The following ENPEP variants were observed in gnomAD, a reference collection of about 807,000 sequenced individuals.
ENPEP encodes AP-A.
Under a neutral mutation model 114.5 loss-of-function variants are expected in ENPEP, and 103 were observed. The observed-to-expected ratio is 0.90, with a 90% confidence interval of 0.77 to 1.06. The LOEUF is 1.06. Among genes scored for constraint, ENPEP ranks in the 50% least tolerant of loss-of-function variants. The pLI is 0.00. For synonymous variants in ENPEP, 420 were observed against 422.0 expected (o/e 1.00, Z 0.06); for missense variants, 1,196 against 1,161.3 (o/e 1.03, Z -0.43).
intron 18 of ENPEP, among the ~76,000 whole-genome samples, chr4:110,557,815 G>A (rs1727531295): frequency 6.6e-6 from 1 of 152,120 alleles, no homozygotes; most frequent in Admixed American, 6.5e-5. Flanking sequence ...AGTGGGCACT[G>A]GATCTGGTAC....
At chr4:110,538,866 GAGAA>G (rs1258428713) in intron 11 of ENPEP, among the ~76,000 whole-genome samples, 6 of 152,218 alleles carry the variant, frequency 3.9e-5, no homozygotes, top group South Asian at 2.1e-4. Context: ...GGGAAGGAGA[GAGAA>G]AGAGAGAGAG....
intron 1 of ENPEP, among the ~76,000 whole-genome samples, chr4:110,486,577 G>T (rs73842131): frequency 6.6e-6 from 1 of 152,048 alleles, no homozygotes; most frequent in Non-Finnish European, 1.5e-5. Flanking sequence ...CCAAGAGATT[G>T]TGACCACTCT....
intron 1 of ENPEP, among the ~76,000 whole-genome samples, chr4:110,482,402 T>A (rs1350174057): frequency 6.6e-6 from 1 of 152,162 alleles, no homozygotes; most frequent in Non-Finnish European, 1.5e-5. Context: ...GGGAAGGTCG[T>A]AAGTTCAGTG....
chr4:110,487,345 A>G (rs1376650009), intron 1 of ENPEP, among the ~76,000 whole-genome samples: 1 of 152,224 alleles, frequency 6.6e-6, no homozygotes, highest in East Asian at 1.9e-4. Context: ...TCCCAAAATT[A>G]GTTCGGCCTA....
At chr4:110,531,724 C>T (rs1726412693) in intron 11 of ENPEP, among the ~76,000 whole-genome samples, 1 of 151,548 alleles carries the variant, frequency 6.6e-6, no homozygotes, top group Non-Finnish European at 1.5e-5. Flanking sequence ...TTATTTTTTC[C>T]TTACTTGAAA....
Position 110,532,390 on chromosome 4 carries a change from A to G in ENPEP, c.1807+1113A>G, listed in dbSNP as rs911797102. On this transcript the variant is annotated intron_variant, in intron 11 of 19. Coordinates refer to ENST00000265162, the MANE Select transcript of ENPEP (RefSeq NM_001977.4). Reference sequence around the variant, plus strand: ...AGTATTTTGTGACTTTTCAATTAGCATAACGATTTCAAGGCTCATCCATGA... The same window carrying G: ...AGTATTTTGTGACTTTTCAATTAGCGTAACGATTTCAAGGCTCATCCATGA... Among the ~76,000 whole-genome samples the G allele has an allele frequency of 5.9e-5, 9 of 152,316 alleles. No individual in the cohort carries two copies. In the South Asian group the frequency reaches 1.4e-3, roughly 25 times the overall value.
intron 1 of ENPEP, among the ~76,000 whole-genome samples, chr4:110,487,014 G>T (rs533408419): frequency 6.6e-6 from 1 of 152,132 alleles, no homozygotes; most frequent in African/African-American, 2.4e-5. Context: ...GCTGTTTTCT[G>T]TTCCTGGGTG....
intron 4 of ENPEP, among the ~76,000 whole-genome samples, chr4:110,508,849 A>G (rs1322238727): frequency 6.6e-6 from 1 of 152,210 alleles, no homozygotes. Flanking sequence ...CCAGAAAGAA[A>G]GGGCCTTCTC....
At position 110,541,451 on chromosome 4, in the gene ENPEP, C is replaced by A. The variant is rs1444403597; in HGVS notation, c.1808-1300C>A. The stretch of plus-strand genomic sequence containing the variant: ...TTTATTGATTTTACCTGTGATAAGT[C>A]TCTTGAATGCATCAACTTCTTTCTA... On this transcript the variant is annotated intron_variant, in intron 11 of 19. Transcript: ENST00000265162. Among the ~76,000 whole-genome samples, 13 of 152,188 alleles carry A rather than the reference C, an allele frequency of 8.5e-5. No homozygotes were observed. The South Asian group carries it at 1.5e-3, about 17-fold the overall frequency.
chr4:110,477,240 C>A (rs1231846216), intron 1 of ENPEP, among the ~76,000 whole-genome samples, 182 bp downstream of exon 1: 2 of 152,138 alleles, frequency 1.3e-5, no homozygotes, highest in Non-Finnish European at 1.5e-5. Context: ...TTTCCAAACC[C>A]TGTCATAAAA....
chr4:110,558,585 G>A (rs977696831), intron 18 of ENPEP, among the ~76,000 whole-genome samples: 8 of 152,082 alleles, frequency 5.3e-5, no homozygotes, highest in Admixed American at 6.5e-5. Context: ...GTGAGCCACC[G>A]CAGCCAGCCT....
Position 110,549,559 on chromosome 4 carries a change from T to C in ENPEP, c.2257T>C (p.Cys753Arg). 1 of 1,613,626 alleles carries C rather than the reference T, an allele frequency of 6.2e-7. No individual in the cohort carries two copies. The highest frequency in any genetic ancestry group is 1.1e-5 in the South Asian group (1 of 91,078). Residue 753 changes from cysteine to arginine, a missense_variant, in exon 16 of 20, where the codon TGC becomes CGC. Transcript: ENST00000265162. ...LLRSSVLGFA[C>R]KMGDREALNN... Reference sequence around the variant, plus strand: ...CCGTTCCTCCGTGTTAGGGTTTGCGTGCAAGATGGGAGACAGAGAAGCCTT... The same window carrying C: ...CCGTTCCTCCGTGTTAGGGTTTGCGCGCAAGATGGGAGACAGAGAAGCCTT...
At chr4:110,493,910 A>T (rs1210084937) in intron 3 of ENPEP, among the ~76,000 whole-genome samples, 1 of 152,250 alleles carries the variant, frequency 6.6e-6, no homozygotes, top group African/African-American at 2.4e-5. Context: ...ATAACCAGGT[A>T]TATGAGGAAA....
At chr4:110,500,252 C>T (rs1725101456) in intron 3 of ENPEP, 2 of 152,116 alleles carry the variant, frequency 1.3e-5, no homozygotes, top group South Asian at 4.1e-4. Context: ...ACATTAAGAA[C>T]TCTAAGAGCC....
Position 110,549,731 on chromosome 4 carries a change from C to G in ENPEP, c.2346C>G (p.Leu782=). 1 of 1,612,860 alleles carries G rather than the reference C, an allele frequency of 6.2e-7. No individual in the cohort carries two copies. Among genetic ancestry groups the G allele is most frequent in the South Asian group, 1.1e-5 (1 of 91,016 alleles). The change falls in exon 17 of 20, where the codon CTC becomes CTG. Residue 782 remains leucine, a synonymous_variant. Coordinates refer to ENST00000265162, the MANE Select transcript of ENPEP (RefSeq NM_001977.4). The stretch of plus-strand genomic sequence containing the variant: ...CTTCTTCTAGCCTTCCCGTAAATCT[C>G]AGGCTTCTGGTGTATCGGTATGGGA... ...LNGTVSLPVN[L]RLLVYRYGMQ...
chr4:110,565,067 C>G lies in ENPEP; in HGVS notation c.*3509C>G, dbSNP rs2110409276. The G allele has an allele frequency of 6.6e-6, 1 of 152,280 alleles. No individual in the cohort carries two copies. Among genetic ancestry groups the G allele is most frequent in the East Asian group, 1.9e-4 (1 of 5,184 alleles). 9.4% of individuals were successfully genotyped at this position (152,280 alleles called of 1,614,324 possible). A position where few individuals can be genotyped will look rare whatever the true frequency, so the allele number is the denominator to read the frequency against. ...ACACCAAACTAATATACTCCTCTAC[C>G]ATAGTAATTTATTTCTTGTTCTTTC... On this transcript the variant is annotated 3_prime_UTR_variant, in exon 20 of 20. Coordinates refer to ENST00000265162, the MANE Select transcript of ENPEP (RefSeq NM_001977.4).
chr4:110,542,159 C>T (rs935864449), intron 11 of ENPEP, among the ~76,000 whole-genome samples: 2 of 152,096 alleles, frequency 1.3e-5, no homozygotes, highest in East Asian at 1.9e-4. Flanking sequence ...AAATCAAGAA[C>T]GTTTCATTCA....
intron 17 of ENPEP, among the ~76,000 whole-genome samples, chr4:110,550,544 C>A (rs552757719): frequency 6.6e-6 from 1 of 152,054 alleles, no homozygotes; most frequent in Non-Finnish European, 1.5e-5. Context: ...GCCGCAAATG[C>A]ATTTACACTT....
chr4:110,559,102 T>C (rs1200557248), intron 18 of ENPEP: 1 of 152,422 alleles, frequency 6.6e-6, no homozygotes, highest in Admixed American at 6.5e-5. Flanking sequence ...CTGAAGTGAG[T>C]GGTCCAAGTT....
Sources: allele counts gnomAD v4.1 joint callset (sites outside exome capture counted in the v4.1 genomes callset), GRCh38; gene constraint gnomAD v4.1.1; transcripts MANE v1.5; gene names NCBI Gene and HGNC (gene_info 2026-07-23, HGNC 2026-07-21).